Variants in MYO9B observed in about 807,000 individuals in gnomAD.
The protein encoded by MYO9B is unconventional myosin-IXb.
MYO9B carries 71 observed loss-of-function variants against 229.5 expected under a neutral mutation model. That is an observed-to-expected ratio of 0.31 (90% confidence interval 0.26 to 0.38). The LOEUF (loss-of-function observed/expected upper bound fraction) is 0.38. Ranked by LOEUF, MYO9B falls within the 10% of genes least tolerant of loss-of-function variation. MYO9B has a pLI of 1.00. For synonymous variants in MYO9B, 1,185 were observed against 1,235.8 expected, an observed-to-expected ratio of 0.96 and a Z score of 0.86; for missense variants, 2,255 against 2,920.5, an observed-to-expected ratio of 0.77 and a Z score of 5.25.
At chr19:17,124,016 GCTAGGATTACAGGCACTTA>G (rs1249056747) in intron 2 of MYO9B, among the ~76,000 whole-genome samples, 6 of 151,942 alleles carry the variant, frequency 3.9e-5, no homozygotes, top group African/African-American at 1.4e-4. Context: ...CTCCCAAGCA[GCTAGGATTACAGGCACTTA>G]CCACCATCAA....
intron 19 of MYO9B, among the ~76,000 whole-genome samples, chr19:17,188,743 T>C (rs2072947623): frequency 6.6e-6 from 1 of 152,198 alleles, no homozygotes; most frequent in Non-Finnish European, 1.5e-5. Context: ...GCGGGTGTAG[T>C]GGCACACGCC....
intron 2 of MYO9B, among the ~76,000 whole-genome samples, chr19:17,137,465 C>A (rs548996747): frequency 6.6e-6 from 1 of 152,238 alleles, no homozygotes; most frequent in African/African-American, 2.4e-5. Flanking sequence ...TCCGCCCCCA[C>A]CAAAAGCACC....
At chr19:17,078,032 G>T (rs528135782) in intron 1 of MYO9B, among the ~76,000 whole-genome samples, 5 of 152,232 alleles carry the variant, frequency 3.3e-5, no homozygotes, top group African/African-American at 1.2e-4. Flanking sequence ...TTGGCTGTAG[G>T]ATTCGTTATT....
chr19:17,154,266 C>A, intron 5 of MYO9B, 49 bp from the exon 6 acceptor site: 1 of 1,562,860 alleles, frequency 6.4e-7, no homozygotes, highest in East Asian at 2.3e-5. Flanking sequence ...TGGCACGCCA[C>A]CCTTGCCGGC....
chr19:17,195,340 C>T lies in MYO9B; in HGVS notation c.3913C>T (p.Arg1305Trp), dbSNP rs903265071. The change falls in exon 22 of 40, where the codon CGG becomes TGG. Residue 1305 changes from arginine (R) to tryptophan (W), a missense_variant. This residue lies in a region of MYO9B where 679 missense variants were observed against 770.2 expected (regional missense o/e 0.88). Transcript: ENST00000682292. This position sits in a 1 kb window ranked among gnomAD's most constrained non-coding sequence, Gnocchi z 4.5. ...GATCCAGCGGTACCTGGACGCCGAGCGGCTGGCCAGCGCCGTGGAACTGTG... is the reference window on the plus strand; with the variant it reads ...GATCCAGCGGTACCTGGACGCCGAGTGGCTGGCCAGCGCCGTGGAACTGTG... ...TQIQRYLDAE[R>W]LASAVELWRG... 1.9e-6 allele frequency: 3 copies of T among 1,612,256 alleles called. No homozygotes were observed. Among genetic ancestry groups the T allele is most frequent in the Admixed American group, 1.7e-5 (1 of 59,970 alleles).
chr19:17,205,439 G>C, intron 31 of MYO9B, 103 bp downstream of exon 31: 1 of 1,138,528 alleles, frequency 8.8e-7, no homozygotes, highest in Non-Finnish European at 1.3e-6. Context: ...GCATTGAGCA[G>C]CCAGTAGGGG....
chr19:17,110,754 G>T (rs964438678), intron 2 of MYO9B, among the ~76,000 whole-genome samples: 2 of 152,120 alleles, frequency 1.3e-5, no homozygotes, highest in African/African-American at 4.8e-5. Flanking sequence ...GCTGCAGGGC[G>T]CAGAGGGACG....
intron 17 of MYO9B, among the ~76,000 whole-genome samples, chr19:17,185,559 A>C (rs939741698): frequency 1.3e-5 from 2 of 149,792 alleles, no homozygotes; most frequent in African/African-American, 5.0e-5. Context: ...AAAAAAAAAA[A>C]CAAAACAAAA....
chr19:17,167,186 C>A (rs1368242706), intron 10 of MYO9B, among the ~76,000 whole-genome samples: 1 of 151,192 alleles, frequency 6.6e-6, no homozygotes, highest in Admixed American at 6.6e-5. Context: ...CATTGGCAGT[C>A]CAAAAGTTTT....
chr19:17,206,384 C>A lies in MYO9B; in HGVS notation c.5386+8C>A. The A allele has an allele frequency of 6.2e-7, 1 of 1,608,520 alleles. No homozygotes were observed. The highest frequency in any genetic ancestry group is 8.5e-7 in the Non-Finnish European group (1 of 1,179,030). On this transcript the variant is annotated splice_region_variant and intron_variant, in intron 33 of 39. Coordinates refer to ENST00000682292, the MANE Select transcript of MYO9B (RefSeq NM_004145.4). ...ACTTCCTCCGAGCCGTCGGTGAGCC[C>A]CATGGCGGTGCGGGTGGCAGCAGGT...
chr19:17,163,569 T>C (rs747476148), intron 10 of MYO9B, among the ~76,000 whole-genome samples: 12 of 152,010 alleles, frequency 7.9e-5, no homozygotes, highest in Admixed American at 2.0e-4. Context: ...GGTTTTGCCA[T>C]GTTGCTCAGG....
rs1453204177 is a variant in MYO9B at position 17,154,071 on chromosome 19, A to G, written c.1098+5A>G. On this transcript the variant is annotated splice_donor_5th_base_variant and intron_variant, in intron 5 of 39. Coordinates refer to ENST00000682292, the MANE Select transcript of MYO9B (RefSeq NM_004145.4). ...GATTATTTCTACCTCAACCAGGTAAACAGCCTCAAGCCCGAGCCACAAACG... is the reference window on the plus strand; with the variant it reads ...GATTATTTCTACCTCAACCAGGTAAGCAGCCTCAAGCCCGAGCCACAAACG... 4.3e-6 allele frequency: 7 copies of G among 1,609,456 alleles called. No homozygotes were observed. Among genetic ancestry groups the G allele is most frequent in the Non-Finnish European group, 5.9e-6 (7 of 1,178,356 alleles).
intron 2 of MYO9B, among the ~76,000 whole-genome samples, chr19:17,141,542 G>A (rs564651271): frequency 6.0e-4 from 90 of 151,036 alleles, no homozygotes; most frequent in African/African-American, 2.2e-3. Context: ...CTTACAGCCC[G>A]CATCCTGCTG....
Position 17,211,737 on chromosome 19 carries a change from C to T in MYO9B, c.6021C>T (p.Ser2007=), listed in dbSNP as rs1223243508. 3 of 1,613,114 alleles carry T rather than the reference C, an allele frequency of 1.9e-6. No homozygotes were observed. The highest frequency in any genetic ancestry group is 3.3e-5 in the Admixed American group (2 of 59,956). Residue 2007 remains serine, a synonymous_variant, in exon 39 of 40, where the codon AGC becomes AGT. Coordinates refer to ENST00000682292, the MANE Select transcript of MYO9B (RefSeq NM_004145.4). Reference sequence around the variant, plus strand: ...CGGAGACGTCGGCCAGCACCGAGAGCCTGCTGGAGGAGCGGGCCGGGCGGG... The same window carrying T: ...CGGAGACGTCGGCCAGCACCGAGAGTCTGCTGGAGGAGCGGGCCGGGCGGG... ...LDSETSASTE[S]LLEERAGRGA... is the part of the protein sequence containing the mutation.
At chr19:17,123,422 A>ATT (rs990781325) in intron 2 of MYO9B, among the ~76,000 whole-genome samples, 1 of 93,480 alleles carries the variant, frequency 1.1e-5, no homozygotes, top group Non-Finnish European at 2.1e-5. Context: ...TACAGTAGAA[A>ATT]TTTGTGTGTG....
intron 1 of MYO9B, among the ~76,000 whole-genome samples, chr19:17,078,229 A>G (rs1183719092): frequency 6.6e-6 from 1 of 152,152 alleles, no homozygotes; most frequent in African/African-American, 2.4e-5. Context: ...GCCCCCGACA[A>G]CTTTGCACTT....
chr19:17,125,145 CA>C (rs1460216256), intron 2 of MYO9B, among the ~76,000 whole-genome samples: 1 of 151,820 alleles, frequency 6.6e-6, no homozygotes, highest in East Asian at 1.9e-4. Flanking sequence ...ACCAAAAATA[CA>C]AAAACTTAGC....
In MYO9B at chr19:17,211,755, C is replaced by T. The variant is rs200177816; in HGVS notation, c.6039C>T (p.Ala2013=). 2.1e-5 allele frequency: 34 copies of T among 1,613,056 alleles called. No individual in the cohort carries two copies. In the African/African-American group the frequency reaches 3.3e-4, roughly 16 times the overall value. ...ASTESLLEER[A]GRGASEGPPA... The stretch of plus-strand genomic sequence containing the variant: ...CCGAGAGCCTGCTGGAGGAGCGGGC[C>T]GGGCGGGGGGCCTCGGAAGGTCAGT... The change falls in exon 39 of 40, where the codon GCC becomes GCT. Residue 2013 remains alanine (A), a synonymous_variant. Transcript: ENST00000682292.
chr19:17,136,440 A>G (rs1219386024), intron 2 of MYO9B, among the ~76,000 whole-genome samples: 2 of 152,158 alleles, frequency 1.3e-5, no homozygotes, highest in Admixed American at 1.3e-4. Flanking sequence ...CTCAGCACCT[A>G]GAATGCAGCA....
Sources: allele counts gnomAD v4.1 joint callset (sites outside exome capture counted in the v4.1 genomes callset), GRCh38; gene constraint gnomAD v4.1.1; regional missense constraint gnomAD v4.1.1; non-coding constraint Gnocchi (gnomAD v3.1); transcripts MANE v1.5; gene names NCBI Gene and HGNC (gene_info 2026-07-23, HGNC 2026-07-21).